Variants in ABCC4 observed in about 807,000 individuals in gnomAD.
The protein encoded by ABCC4 is ATP-binding cassette sub-family C member 4.
In ABCC4, 102 loss-of-function variants were observed where a neutral mutation model predicts 168.5. That is an observed-to-expected ratio of 0.61 (90% CI 0.52 to 0.71). ABCC4 has a LOEUF of 0.71. Ranked by LOEUF, ABCC4 falls within the 30% of genes least tolerant of loss-of-function variation. ABCC4 has a pLI of 0.00. For missense variants in ABCC4, 1,402 were observed against 1,605.8 expected, an observed-to-expected ratio of 0.87 and a Z score of 2.17; for synonymous variants, 617 against 590.7, an observed-to-expected ratio of 1.04 and a Z score of -0.65.
chr13:95,055,222 T>G (rs1410641601), intron 26 of ABCC4, among the ~76,000 whole-genome samples: 2 of 152,222 alleles, frequency 1.3e-5, no homozygotes, highest in African/African-American at 4.8e-5. Flanking sequence ...ATTCTGGTTA[T>G]TTCAGATTAA....
chr13:95,126,582 A>G (rs899459690), intron 19 of ABCC4, among the ~76,000 whole-genome samples: 2 of 151,568 alleles, frequency 1.3e-5, no homozygotes, highest in Non-Finnish European at 2.9e-5. Context: ...GTGTGCTGGA[A>G]ACAGATCAAC....
intron 20 of ABCC4, among the ~76,000 whole-genome samples, chr13:95,089,341 C>T (rs549579746): frequency 5.9e-5 from 9 of 152,220 alleles, no homozygotes; most frequent in African/African-American, 2.2e-4. Context: ...ACACTAAGTC[C>T]GGGCCCGGTG....
chr13:95,116,129 G>C, intron 19 of ABCC4, 128 bp from the exon 20 acceptor site: 1 of 590,448 alleles, frequency 1.7e-6, no homozygotes, highest in Non-Finnish European at 2.7e-6. Context: ...TATGAAATAA[G>C]CCGATGTCAG....
chr13:95,051,811 T>C (rs899659638), intron 27 of ABCC4, among the ~76,000 whole-genome samples: 1 of 141,676 alleles, frequency 7.1e-6, no homozygotes, highest in Non-Finnish European at 1.5e-5. Flanking sequence ...GGGCTACAGA[T>C]GCGCACCACC....
chr13:95,074,176 TA>T, intron 23 of ABCC4, 37 bp downstream of exon 23: 1 of 1,472,718 alleles, frequency 6.8e-7, no homozygotes, highest in Non-Finnish European at 9.4e-7. Context: ...CTATAAATTG[TA>T]ATCATACCAT....
chr13:95,031,013 G>A (rs923909327), intron 30 of ABCC4, among the ~76,000 whole-genome samples: 1 of 152,240 alleles, frequency 6.6e-6, no homozygotes, highest in African/African-American at 2.4e-5. Flanking sequence ...CCTTTTCCCA[G>A]ATGTTGAGTT....
intron 9 of ABCC4, among the ~76,000 whole-genome samples, chr13:95,193,946 G>C (rs2038338553): frequency 6.6e-6 from 1 of 152,200 alleles, no homozygotes; most frequent in South Asian, 2.1e-4. Context: ...CCCCCAGCTA[G>C]GGAAGACAAA....
intron 19 of ABCC4, among the ~76,000 whole-genome samples, chr13:95,134,683 G>T (rs1439011075): frequency 6.6e-6 from 1 of 152,026 alleles, no homozygotes; most frequent in Non-Finnish European, 1.5e-5. Context: ...TCACACCACT[G>T]CACTCCAGCC....
chr13:95,281,354 G>C (rs1386103250), intron 1 of ABCC4, among the ~76,000 whole-genome samples: 2 of 148,878 alleles, frequency 1.3e-5, no homozygotes, highest in African/African-American at 4.9e-5. Context: ...GCATAAGTCT[G>C]AGTGATTCTG....
chr13:95,272,295 C>A (rs1251141219), intron 1 of ABCC4, among the ~76,000 whole-genome samples: 3 of 152,134 alleles, frequency 2.0e-5, no homozygotes, highest in Non-Finnish European at 4.4e-5. Context: ...ATCCACTTGG[C>A]CTCCCAAAGT....
At chr13:95,151,077 T>C (rs759920091) in intron 19 of ABCC4, among the ~76,000 whole-genome samples, 47 of 152,250 alleles carry the variant, frequency 3.1e-4, no homozygotes, top group Non-Finnish European at 6.2e-4. Flanking sequence ...TATGCTCATG[T>C]GTGTTGTATC....
At chr13:95,029,194 A>ATCTATC (rs2031702469) in intron 30 of ABCC4, among the ~76,000 whole-genome samples, 1 of 93,104 alleles carries the variant, frequency 1.1e-5, no homozygotes, top group African/African-American at 4.6e-5. Flanking sequence ...ATATATATAT[A>ATCTATC]TATATATATA....
At chr13:95,072,743 T>A (rs2033774656) in intron 24 of ABCC4, among the ~76,000 whole-genome samples, 1 of 152,182 alleles carries the variant, frequency 6.6e-6, no homozygotes, top group African/African-American at 2.4e-5. Flanking sequence ...ACCAGCAAAG[T>A]TAAGGCCTTC....
chr13:95,193,719 G>T (rs3864997), intron 9 of ABCC4, among the ~76,000 whole-genome samples: 72,865 of 151,990 alleles, frequency 0.48, 17,500 homozygotes, highest in East Asian at 0.48. Context: ...AGTCACCATG[G>T]ATCCCAGGTT....
chr13:95,132,866 T>C (rs1341249128), intron 19 of ABCC4, among the ~76,000 whole-genome samples: 1 of 151,974 alleles, frequency 6.6e-6, no homozygotes, highest in Non-Finnish European at 1.5e-5. Flanking sequence ...TGTAGAACAG[T>C]CAAACTCAGA....
chr13:95,197,511 A>T (rs901908561), intron 8 of ABCC4, among the ~76,000 whole-genome samples: 4 of 152,260 alleles, frequency 2.6e-5, no homozygotes, highest in Middle Eastern at 3.4e-3. Context: ...ATGAGACTCC[A>T]CTCAACACAT....
At position 95,073,223 on chromosome 13, in the gene ABCC4, C is replaced by T. The variant is rs757024501; in HGVS notation, c.2999G>A (p.Ser1000Asn). The T allele has an allele frequency of 6.2e-7, 1 of 1,613,694 alleles. No individual in the cohort carries two copies. The highest frequency in any genetic ancestry group is 1.1e-5 in the South Asian group (1 of 91,016). ...MGMFQWCVRQ[S>N]AEVENMMISV... ...TATTACCATATTCTCAACTTCAGCA[C>T]TTTGTCGAACACACCACTGAAACAT... Residue 1000 changes from serine to asparagine, a missense_variant, in exon 24 of 31, where the codon AGT becomes AAT. Ser to Asn is a conservative substitution (Grantham distance 46, BLOSUM62 1). Transcript: ENST00000645237.
chr13:95,043,486 T>C (rs1014087771), intron 29 of ABCC4, 196 bp downstream of exon 29: 1 of 479,660 alleles, frequency 2.1e-6, no homozygotes, highest in East Asian at 3.0e-5. Context: ...TATGATTATA[T>C]GCAAAGAGAT....
At chr13:95,212,986 G>A (rs926269296) in intron 4 of ABCC4, among the ~76,000 whole-genome samples, 21 of 152,230 alleles carry the variant, frequency 1.4e-4, no homozygotes, top group African/African-American at 4.8e-4. Context: ...AATTAGCCAG[G>A]CATGATGGCA....
Sources: gnomAD v4.1 joint callset for allele counts (sites outside exome capture counted in the v4.1 genomes callset) on GRCh38, gnomAD v4.1.1 for gene constraint, MANE v1.5 for transcripts, NCBI Gene and HGNC (gene_info 2026-07-23, HGNC 2026-07-21) for gene names.